The following PTPRG variants were observed in gnomAD, a reference collection of about 807,000 sequenced individuals.
The protein encoded by PTPRG is protein tyrosine phosphatase receptor type G, also known as receptor-type tyrosine-protein phosphatase gamma.
A neutral mutation model predicts 165.3 loss-of-function variants in PTPRG; 102 were observed. The observed-to-expected ratio is 0.62, with a 90% CI of 0.53 to 0.73. The LOEUF (loss-of-function observed/expected upper bound fraction) is 0.73. Among genes scored for constraint, PTPRG ranks in the 30% least tolerant of loss-of-function variants. The pLI is 0.00. For synonymous variants in PTPRG, 675 were observed against 669.5 expected, an observed-to-expected ratio of 1.01 and a Z score of -0.13; for missense variants, 1,866 against 1,861.4, an observed-to-expected ratio of 1.00 and a Z score of -0.05.
At chr3:61,653,904 G>GGCTT (rs879390423) in intron 1 of PTPRG, among the ~76,000 whole-genome samples, 1 of 2,846 alleles carries the variant, frequency 3.5e-4, no homozygotes. Context: ...AGCGGTGGGG[G>GGCTT]GCGCGGGGAA....
At position 61,735,784 on chromosome 3, in the gene PTPRG, T is replaced by C. The variant is rs1257841626; in HGVS notation, c.86-13094T>C. On this transcript the variant is annotated intron_variant, in intron 1 of 29. Transcript: ENST00000474889. The stretch of plus-strand genomic sequence containing the variant: ...TTGTGCAGAGACAATTTACCATAGA[T>C]TTAATTTATTAATTAGCCTTTACTT... Among the ~76,000 whole-genome samples, 7 of 152,156 alleles carry C rather than the reference T, an allele frequency of 4.6e-5. No homozygotes were observed. The East Asian group carries it at 1.2e-3, about 25-fold the overall frequency.
At chr3:61,932,214 G>T (rs1308143400) in intron 2 of PTPRG, among the ~76,000 whole-genome samples, 1 of 152,156 alleles carries the variant, frequency 6.6e-6, no homozygotes, top group Non-Finnish European at 1.5e-5. Flanking sequence ...GTTTGGTAAA[G>T]CTTTGTGACC....
At chr3:61,919,757 A>G (rs1575784822) in intron 2 of PTPRG, among the ~76,000 whole-genome samples, 1 of 152,048 alleles carries the variant, frequency 6.6e-6, no homozygotes, top group East Asian at 1.9e-4. Flanking sequence ...CTACTGTTCT[A>G]CCTAGCCATA....
At chr3:62,289,475 T>C (rs1237138345) in intron 28 of PTPRG, among the ~76,000 whole-genome samples, 1 of 152,152 alleles carries the variant, frequency 6.6e-6, no homozygotes, top group African/African-American at 2.4e-5. Context: ...AAGTCTTGCT[T>C]ATTTGAACAC....
intron 6 of PTPRG, among the ~76,000 whole-genome samples, chr3:62,140,754 G>T (rs550936924): frequency 2.0e-5 from 3 of 151,432 alleles, no homozygotes; most frequent in Non-Finnish European, 4.4e-5. Flanking sequence ...GACTGAGGCA[G>T]GAGAATCACT....
chr3:62,123,504 A>G (rs1056335300), intron 5 of PTPRG, among the ~76,000 whole-genome samples: 1 of 152,204 alleles, frequency 6.6e-6, no homozygotes, highest in Non-Finnish European at 1.5e-5. Flanking sequence ...TTCAGTTATA[A>G]CATAGCATAA....
At chr3:62,243,693 C>G (rs1701216877) in intron 14 of PTPRG, 114 bp from the exon 15 acceptor site, 7 of 651,978 alleles carry the variant, frequency 1.1e-5, no homozygotes, top group Non-Finnish European at 1.8e-5. Flanking sequence ...TGAGTTTACC[C>G]TCAGTGCTGT....
In PTPRG at chr3:62,186,684, G is replaced by A. The variant is rs568107872; in HGVS notation, c.1034-4785G>A. On this transcript the variant is annotated intron_variant, in intron 8 of 29. Transcript: ENST00000474889. ...TGGGTTAAAGTGATCTTCCACCTTA[G>A]CCTCCTGAGTAGCTGGGACTATAGG... 2.7e-5 allele frequency among the ~76,000 whole-genome samples: 4 copies of A among 149,272 alleles called. No homozygotes were observed. In the East Asian group the frequency reaches 8.0e-4, roughly 30 times the overall value.
At chr3:61,819,465 G>C (rs1266171059) in intron 2 of PTPRG, among the ~76,000 whole-genome samples, 1 of 152,152 alleles carries the variant, frequency 6.6e-6, no homozygotes, top group Non-Finnish European at 1.5e-5. Context: ...TAGCACTAGA[G>C]GTGACACAGT....
rs1699750107 is a variant in PTPRG, at chr3:61,561,577, C to A, written c.-711C>A. 6.6e-6 allele frequency: 1 copy of A among 152,252 alleles called. No homozygotes were observed. The highest frequency in any genetic ancestry group is 1.5e-5 in the Non-Finnish European group (1 of 68,146). 9.4% of individuals were successfully genotyped at this position (152,252 alleles called of 1,614,324 possible). On this transcript the variant is annotated 5_prime_UTR_variant, in exon 1 of 30. Coordinates refer to ENST00000474889, the MANE Select transcript of PTPRG (RefSeq NM_002841.4). Reference sequence around the variant, plus strand: ...TGCCAGGATCCATGCTCACATGTTACTTCCTGTATGGAGGCATGGCCAGTT... The same window carrying A: ...TGCCAGGATCCATGCTCACATGTTAATTCCTGTATGGAGGCATGGCCAGTT...
intron 1 of PTPRG, chr3:61,739,001 T>G (rs1406853040): frequency 8.8e-6 from 1 of 113,290 alleles, no homozygotes; most frequent in Non-Finnish European, 1.8e-5. Context: ...GTTTTTTTTT[T>G]TTTGGTAGAG....
intron 2 of PTPRG, among the ~76,000 whole-genome samples, chr3:61,975,742 G>A (rs1372736419): frequency 2.0e-5 from 3 of 151,738 alleles, no homozygotes; most frequent in Non-Finnish European, 2.9e-5. Flanking sequence ...AGTTGCATGT[G>A]TTTCTCCTCC....
chr3:62,040,014 G>A (rs1304966615), intron 4 of PTPRG, among the ~76,000 whole-genome samples: 4 of 152,178 alleles, frequency 2.6e-5, no homozygotes, highest in East Asian at 1.9e-4. Flanking sequence ...TCAGTGTTAA[G>A]TATTTTTTAT....
At position 61,676,471 on chromosome 3, in the gene PTPRG, A is replaced by AAAAAAAAAAAAAAAAAAG. The variant is rs369505317; in HGVS notation, c.86-72404_86-72403insAAAAAAAAAAAAAAGAAA. ...GACTCCATCTCAAAAAAAAAAAAAA[A>AAAAAAAAAAAAAAAAAAG]AAAGAAAATTACTAAAGTCTGTGAA... On this transcript the variant is annotated intron_variant, in intron 1 of 29. Coordinates refer to ENST00000474889, the MANE Select transcript of PTPRG (RefSeq NM_002841.4). Among the ~76,000 whole-genome samples the AAAAAAAAAAAAAAAAAAG allele has an allele frequency of 2.2e-3, 213 of 99,022 alleles. 19 individuals carry two copies. Among genetic ancestry groups the AAAAAAAAAAAAAAAAAAG allele is most frequent in the East Asian group, 0.011 (31 of 2,702 alleles). The allele number at this position is 99,022 out of a possible 152,430, so 65.0% of individuals were successfully genotyped here.
At chr3:61,680,195 G>A (rs1703382582) in intron 1 of PTPRG, among the ~76,000 whole-genome samples, 1 of 152,140 alleles carries the variant, frequency 6.6e-6, no homozygotes, top group South Asian at 2.1e-4. Context: ...GCTTGTCCAA[G>A]TGTAATTATT....
chr3:61,757,678 A>G (rs986242830), intron 2 of PTPRG, among the ~76,000 whole-genome samples: 5 of 152,274 alleles, frequency 3.3e-5, no homozygotes, highest in African/African-American at 1.2e-4. Context: ...TTGACATAGC[A>G]TAAATCCTAA....
rs186964695 is a variant in PTPRG, at chr3:61,941,425, C to T, written c.191-48200C>T. 6.1e-3 allele frequency among the ~76,000 whole-genome samples: 934 copies of T among 152,176 alleles called. 6 individuals carry two copies. The highest frequency in any genetic ancestry group is 0.021 in the African/African-American group (883 of 41,530). ...AGATCATGAGGTTAGGAGATCGAGACCGTCCTGGCCAACATGATGAAACCC... is the reference window on the plus strand; with the variant it reads ...AGATCATGAGGTTAGGAGATCGAGATCGTCCTGGCCAACATGATGAAACCC... On this transcript the variant is annotated intron_variant, in intron 2 of 29. Transcript: ENST00000474889.
intron 2 of PTPRG, among the ~76,000 whole-genome samples, chr3:61,849,101 G>A (rs1020848125): frequency 2.0e-5 from 3 of 152,182 alleles, no homozygotes; most frequent in Admixed American, 2.0e-4. Flanking sequence ...TCCTCTCTCA[G>A]TGGGAAACAC....
chr3:61,570,754 G>C (rs142552803), intron 1 of PTPRG, among the ~76,000 whole-genome samples: 30 of 152,292 alleles, frequency 2.0e-4, no homozygotes, highest in African/African-American at 7.0e-4. Context: ...AGGTTGTCTC[G>C]AGAACTTTTT....
Sources: gnomAD v4.1 joint callset for allele counts (sites outside exome capture counted in the v4.1 genomes callset) on GRCh38, gnomAD v4.1.1 for gene constraint, MANE v1.5 for transcripts, NCBI Gene and HGNC (gene_info 2026-07-23, HGNC 2026-07-21) for gene names.